OSBP2: variants seen among roughly 807,000 people sequenced by gnomAD.
The protein encoded by OSBP2 is oxysterol-binding protein 2.
In OSBP2, 66 loss-of-function variants were observed where a neutral mutation model predicts 96.0. The observed-to-expected ratio is 0.69, with a 90% confidence interval of 0.56 to 0.84. The LOEUF (loss-of-function observed/expected upper bound fraction) is 0.84. OSBP2 is among the 40% of genes least tolerant of loss of function. The pLI is 0.00. For missense variants in OSBP2, 1,038 were observed against 1,222.7 expected (o/e 0.85, Z 2.25); for synonymous variants, 525 against 520.9 (o/e 1.01, Z -0.11).
intron 2 of OSBP2, chr22:30,803,115 C>A: frequency 4.8e-6 from 1 of 208,834 alleles, no homozygotes; most frequent in Non-Finnish European, 9.4e-6. Context: ...GCAGCAGCAG[C>A]TGCAAGAGCC....
chr22:30,767,428 C>G (rs948562459), intron 2 of OSBP2, among the ~76,000 whole-genome samples: 1 of 152,148 alleles, frequency 6.6e-6, no homozygotes, highest in Non-Finnish European at 1.5e-5. Flanking sequence ...TCATGGCCAG[C>G]CTTGTCTCTA....
intron 2 of OSBP2, among the ~76,000 whole-genome samples, chr22:30,817,605 CAGGT>C (rs2146970121): frequency 6.6e-6 from 1 of 152,318 alleles, no homozygotes; most frequent in East Asian, 1.9e-4. Context: ...CTTGGGAAGA[CAGGT>C]GGGTGATGTG....
chr22:30,705,356 C>T (rs918342409), intron 1 of OSBP2, among the ~76,000 whole-genome samples: 4 of 152,034 alleles, frequency 2.6e-5, no homozygotes, highest in Non-Finnish European at 4.4e-5. Context: ...TGCAGTGGCG[C>T]GATCTCAGCT....
intron 1 of OSBP2, among the ~76,000 whole-genome samples, chr22:30,719,455 G>C (rs9619131): frequency 0.059 from 8,999 of 151,958 alleles, 618 homozygotes; most frequent in African/African-American, 0.16. Flanking sequence ...TCTAGGTAAG[G>C]AACTTAAAAG....
chr22:30,748,845 G>T (rs1426273746), intron 2 of OSBP2, among the ~76,000 whole-genome samples: 1 of 152,234 alleles, frequency 6.6e-6, no homozygotes, highest in Non-Finnish European at 1.5e-5. Flanking sequence ...GCCAGACATG[G>T]TGGCTCATGC....
At chr22:30,777,347 C>G (rs2090451073) in intron 2 of OSBP2, among the ~76,000 whole-genome samples, 1 of 152,088 alleles carries the variant, frequency 6.6e-6, no homozygotes, top group Admixed American at 6.6e-5. Context: ...CTGTTCTGTT[C>G]TCATGATGGT....
chr22:30,695,686 C>A, intron 1 of OSBP2, 133 bp downstream of exon 1: 1 of 1,464,070 alleles, frequency 6.8e-7, no homozygotes, highest in Non-Finnish European at 9.1e-7. Flanking sequence ...TCCAGCAGGC[C>A]AAGTCACGCT....
intron 2 of OSBP2, among the ~76,000 whole-genome samples, chr22:30,851,314 C>T (rs2038974278): frequency 6.6e-6 from 1 of 152,106 alleles, no homozygotes; most frequent in Non-Finnish European, 1.5e-5. Flanking sequence ...GATAATCCAC[C>T]CAAAGGGCTG....
At chr22:30,708,981 T>A (rs1403615116) in intron 1 of OSBP2, among the ~76,000 whole-genome samples, 1 of 151,824 alleles carries the variant, frequency 6.6e-6, no homozygotes, top group Admixed American at 6.6e-5. Context: ...GTGCCTGTAA[T>A]CCCAGCTATT....
chr22:30,741,492 G>A, intron 2 of OSBP2, 123 bp downstream of exon 2: 1 of 720,984 alleles, frequency 1.4e-6, no homozygotes, highest in Non-Finnish European at 2.3e-6. Flanking sequence ...GGATCAATCT[G>A]GAAGGTCAAG....
At chr22:30,888,801 A>T (rs566731262) in intron 5 of OSBP2, among the ~76,000 whole-genome samples, 1 of 152,296 alleles carries the variant, frequency 6.6e-6, no homozygotes, top group East Asian at 1.9e-4. Context: ...GTATACTTAC[A>T]CAAACCTAGC....
intron 2 of OSBP2, among the ~76,000 whole-genome samples, chr22:30,836,753 T>C (rs1211571469): frequency 4.0e-5 from 6 of 151,860 alleles, no homozygotes; most frequent in Non-Finnish European, 8.8e-5. Flanking sequence ...CAGCAGGCAA[T>C]TGGGAGAGGA....
At chr22:30,863,392 G>A (rs187845448) in intron 2 of OSBP2, among the ~76,000 whole-genome samples, 110 of 152,262 alleles carry the variant, frequency 7.2e-4, no homozygotes, top group Middle Eastern at 3.4e-3. Context: ...CAGCGCCCCC[G>A]CAGTCCTCAC....
chr22:30,718,892 A>G (rs1490678449), intron 1 of OSBP2, among the ~76,000 whole-genome samples: 1 of 152,046 alleles, frequency 6.6e-6, no homozygotes, highest in African/African-American at 2.4e-5. Context: ...CTGAGTGGGG[A>G]CTTTTTGCTG....
intron 2 of OSBP2, among the ~76,000 whole-genome samples, chr22:30,830,437 C>A (rs62235943): frequency 1.5e-3 from 236 of 152,350 alleles, no homozygotes; most frequent in African/African-American, 5.2e-3. Context: ...GGCCATCAGC[C>A]TTTCGGCCAT....
chr22:30,834,877 G>T (rs539023811), intron 2 of OSBP2, among the ~76,000 whole-genome samples: 2 of 150,952 alleles, frequency 1.3e-5, no homozygotes, highest in East Asian at 3.9e-4. Flanking sequence ...GTGCAGTGGC[G>T]TGATCTTGGC....
At chr22:30,776,591 CT>C (rs1002174655) in intron 2 of OSBP2, among the ~76,000 whole-genome samples, 130 of 145,470 alleles carry the variant, frequency 8.9e-4, no homozygotes, top group Middle Eastern at 3.5e-3. Flanking sequence ...TCTGTGCTCA[CT>C]TTTTTTTTTT....
chr22:30,851,892 T>G (rs893972906), intron 2 of OSBP2, among the ~76,000 whole-genome samples: 1 of 152,198 alleles, frequency 6.6e-6, no homozygotes, highest in African/African-American at 2.4e-5. Context: ...AATGCTTTTT[T>G]AGTATTTCTG....
chr22:30,903,492 C>T (rs1048081274), intron 12 of OSBP2, among the ~76,000 whole-genome samples: 3 of 152,208 alleles, frequency 2.0e-5, no homozygotes, highest in Non-Finnish European at 2.9e-5. Context: ...AAGTGGAGAC[C>T]GTGGAATAGC....
Sources: allele counts gnomAD v4.1 joint callset (sites outside exome capture counted in the v4.1 genomes callset), GRCh38; gene constraint gnomAD v4.1.1; transcripts MANE v1.5; gene names NCBI Gene and HGNC (gene_info 2026-07-23, HGNC 2026-07-21).